UBE3D: variants seen among roughly 807,000 people sequenced by gnomAD.
UBE3D encodes the protein ubiquitin protein ligase E3D, also known as E3 ubiquitin-protein ligase E3D.
UBE3D carries 48 observed loss-of-function variants against 49.6 expected under a neutral mutation model. The ratio of observed to expected loss-of-function variants is 0.97; its 90% confidence interval spans 0.77 to 1.23. The LOEUF (loss-of-function observed/expected upper bound fraction) is 1.23, where lower values mean the gene tolerates loss of function less well. Among genes scored for constraint, UBE3D ranks in the 50% most tolerant of loss-of-function variants. The pLI is 0.00. For missense variants in UBE3D, 452 were observed against 468.4 expected, an observed-to-expected ratio of 0.96 and a Z score of 0.32; for synonymous variants, 189 against 174.2, an observed-to-expected ratio of 1.08 and a Z score of -0.67.
At chr6:82,962,946 A>G (rs1281114836) in intron 8 of UBE3D, among the ~76,000 whole-genome samples, 1 of 152,184 alleles carries the variant, frequency 6.6e-6, no homozygotes, top group Non-Finnish European at 1.5e-5. Flanking sequence ...TATTGCTCAC[A>G]TTTCTAATGT....
At chr6:82,908,374 G>A (rs140609380) in intron 9 of UBE3D, among the ~76,000 whole-genome samples, 2 of 152,158 alleles carry the variant, frequency 1.3e-5, no homozygotes, top group East Asian at 1.9e-4. Context: ...GCAGAGGCCC[G>A]GGATGAACAG....
chr6:82,882,116 C>A, the UBE3D span, among the ~76,000 whole-genome samples: 1 of 152,162 alleles, frequency 6.6e-6, no homozygotes, highest in Non-Finnish European at 1.5e-5. Context: ...TTACTCTTGA[C>A]TCTAGGAGCC....
chr6:82,973,813 A>C (rs1777523291), intron 8 of UBE3D, among the ~76,000 whole-genome samples: 1 of 152,130 alleles, frequency 6.6e-6, no homozygotes. Context: ...GCCACTCCCC[A>C]TCACTTACAT....
chr6:83,012,636 A>G (rs1474478977), intron 8 of UBE3D, among the ~76,000 whole-genome samples: 1 of 152,190 alleles, frequency 6.6e-6, no homozygotes, highest in Non-Finnish European at 1.5e-5. Context: ...ATATCTTCAC[A>G]GTTTTTGACC....
intron 9 of UBE3D, among the ~76,000 whole-genome samples, chr6:82,911,844 T>C (rs1184797440): frequency 6.6e-6 from 1 of 152,168 alleles, no homozygotes; most frequent in African/African-American, 2.4e-5. Context: ...TTATCTACCC[T>C]GCTTAAAGCT....
At chr6:82,892,210 G>C (rs1018358219), downstream of UBE3D, among the ~76,000 whole-genome samples, 28 of 152,266 alleles carry the variant, frequency 1.8e-4, no homozygotes, top group African/African-American at 5.8e-4. Flanking sequence ...CAGAGGAGAT[G>C]GACATGCCTG....
In UBE3D at chr6:83,025,741, G is replaced by A. The variant is rs149496728; in HGVS notation, c.668-1703C>T. ...CTACTAAAAATACAAAAATTAGCTG[G>A]GCGCAGTGACTCCCACCTGTAGTCC... On this transcript the variant is annotated intron_variant, in intron 5 of 9. Coordinates refer to ENST00000369747, the MANE Select transcript of UBE3D (RefSeq NM_198920.3). 9.6e-3 allele frequency among the ~76,000 whole-genome samples: 1,465 copies of A among 151,948 alleles called. 25 individuals carry two copies. The highest frequency in any genetic ancestry group is 0.034 in the African/African-American group (1,388 of 41,406).
rs1771035700 is a variant in UBE3D, at chr6:82,892,856, A to G, written c.*166T>C. 1.2e-6 allele frequency: 1 copy of G among 800,668 alleles called. No homozygotes were observed. Among genetic ancestry groups the G allele is most frequent in the Admixed American group, 2.0e-5 (1 of 48,850 alleles). 49.6% of individuals were successfully genotyped at this position (800,668 alleles called of 1,614,324 possible). A position where few individuals can be genotyped will look rare whatever the true frequency, so the allele number is the denominator to read the frequency against. On this transcript the variant is annotated 3_prime_UTR_variant, in exon 10 of 10. Transcript: ENST00000369747. ...AAGATCTAAAGTTAACTCTTCTCTT[A>G]GAGAATACATGCAAACAAGTAAACT... is the stretch of plus-strand genomic sequence containing the variant.
At chr6:82,881,014 T>A in the UBE3D span, among the ~76,000 whole-genome samples, 1 of 152,172 alleles carries the variant, frequency 6.6e-6, no homozygotes, top group African/African-American at 2.4e-5. Flanking sequence ...TCTTCTGTCA[T>A]GACTTACTTG....
chr6:82,993,276 G>A (rs946010004), intron 8 of UBE3D, among the ~76,000 whole-genome samples: 1 of 152,052 alleles, frequency 6.6e-6, no homozygotes, highest in Non-Finnish European at 1.5e-5. Flanking sequence ...ACGTATGACT[G>A]TCCTCTTCCA....
At chr6:83,019,862 T>C (rs1271104750) in intron 7 of UBE3D, among the ~76,000 whole-genome samples, 1 of 152,198 alleles carries the variant, frequency 6.6e-6, no homozygotes, top group Non-Finnish European at 1.5e-5. Context: ...ATCAAATCAC[T>C]GGCAGCGGGC....
chr6:82,920,882 T>C (rs1438408847), intron 9 of UBE3D, among the ~76,000 whole-genome samples: 2 of 151,796 alleles, frequency 1.3e-5, no homozygotes, highest in African/African-American at 4.8e-5. Context: ...GCCCATTTTT[T>C]CCAGTATGGT....
chr6:82,935,578 G>A (rs190817381), intron 9 of UBE3D, among the ~76,000 whole-genome samples: 26 of 152,214 alleles, frequency 1.7e-4, no homozygotes, highest in African/African-American at 4.6e-4. Context: ...TGAGTACTAC[G>A]TAGAATAAGT....
intron 3 of UBE3D, among the ~76,000 whole-genome samples, chr6:83,050,042 T>C (rs544942657): frequency 1.3e-5 from 2 of 152,250 alleles, no homozygotes; most frequent in South Asian, 4.1e-4. Flanking sequence ...AATTTTATTA[T>C]AAAGAAATGA....
chr6:82,961,172 T>TG (rs1194850039), intron 8 of UBE3D, among the ~76,000 whole-genome samples: 1 of 152,216 alleles, frequency 6.6e-6, no homozygotes, highest in Non-Finnish European at 1.5e-5. Context: ...CATTCCTCTT[T>TG]GGGCAGTAAT....
At chr6:83,046,674 G>GGGT (rs1314464209) in intron 3 of UBE3D, among the ~76,000 whole-genome samples, 1 of 129,656 alleles carries the variant, frequency 7.7e-6, no homozygotes, top group Non-Finnish European at 1.6e-5. Flanking sequence ...GCAGTTGGCG[G>GGGT]GGGGGGTGGG....
At chr6:83,008,524 C>T (rs148169776) in intron 8 of UBE3D, among the ~76,000 whole-genome samples, 109 of 152,242 alleles carry the variant, frequency 7.2e-4, no homozygotes, top group African/African-American at 2.5e-3. Flanking sequence ...AAACAATACA[C>T]TTCAAAGTGT....
chr6:83,027,654 T>G (rs1781577976), intron 5 of UBE3D, among the ~76,000 whole-genome samples: 1 of 152,142 alleles, frequency 6.6e-6, no homozygotes, highest in African/African-American at 2.4e-5. Context: ...TTGAAGGCAC[T>G]CTGTCATTTT....
At chr6:82,950,662 T>C (rs147001983) in intron 9 of UBE3D, among the ~76,000 whole-genome samples, 168 of 152,284 alleles carry the variant, frequency 1.1e-3, no homozygotes, top group African/African-American at 3.9e-3. Flanking sequence ...CCCATGTTTA[T>C]TGCAAAACTA....
Sources: gnomAD v4.1 joint callset for allele counts (sites outside exome capture counted in the v4.1 genomes callset) on GRCh38, gnomAD v4.1.1 for gene constraint, MANE v1.5 for transcripts, NCBI Gene and HGNC (gene_info 2026-07-23, HGNC 2026-07-21) for gene names.